OPCML: variants seen among roughly 807,000 people sequenced by gnomAD.
OPCML encodes the protein opioid binding protein/cell adhesion molecule like.
In OPCML, 13 loss-of-function variants were observed where a neutral mutation model predicts 37.8. That is an observed-to-expected ratio of 0.34 (90% CI 0.22 to 0.55). The LOEUF (loss-of-function observed/expected upper bound fraction) is 0.55. Among genes scored for constraint, OPCML ranks in the 20% least tolerant of loss-of-function variants. The probability of loss-of-function intolerance (pLI) is 0.91; values close to 1 mark genes in which losing one functional copy is unlikely to be tolerated. For missense variants in OPCML, 341 were observed against 435.6 expected, an observed-to-expected ratio of 0.78 and a Z score of 1.93; for synonymous variants, 176 against 168.8, an observed-to-expected ratio of 1.04 and a Z score of -0.33.
Position 132,604,056 on chromosome 11 carries a change from TG to T in OPCML, c.379+53030del, listed in dbSNP as rs150970913. On this transcript the variant is annotated intron_variant, in intron 3 of 7. Coordinates refer to ENST00000524381, the MANE Select transcript of OPCML (RefSeq NM_001012393.5). ...CCCTCGCCATTTCATGCTCTGTGCCTGGAATACTTGTTGGTGCTCCACATTT... is the reference window on the plus strand; with the variant it reads ...CCCTCGCCATTTCATGCTCTGTGCCTGAATACTTGTTGGTGCTCCACATTT... Among the ~76,000 whole-genome samples, 20 of 152,306 alleles carry T rather than the reference TG, an allele frequency of 1.3e-4. No homozygotes were observed. In the East Asian group the frequency reaches 3.9e-3, roughly 29 times the overall value.
intron 1 of OPCML, chr11:133,003,846 A>T: frequency 1.0e-6 from 1 of 985,238 alleles, no homozygotes; most frequent in Non-Finnish European, 1.2e-6. Flanking sequence ...AATAATGCAG[A>T]TCCTTGCCAT....
At chr11:133,110,694 C>T (rs1461120607) in intron 1 of OPCML, among the ~76,000 whole-genome samples, 1 of 152,156 alleles carries the variant, frequency 6.6e-6, no homozygotes. Context: ...TAGCCTCAAA[C>T]GCAGTAGCTC....
chr11:132,604,837 G>A (rs1158323784), intron 3 of OPCML, among the ~76,000 whole-genome samples: 1 of 152,166 alleles, frequency 6.6e-6, no homozygotes, highest in Admixed American at 6.5e-5. Flanking sequence ...TTGATGTAGA[G>A]GGTATAGTGA....
At chr11:133,374,955 T>C (rs943880483) in intron 1 of OPCML, among the ~76,000 whole-genome samples, 9 of 152,184 alleles carry the variant, frequency 5.9e-5, no homozygotes, top group African/African-American at 2.2e-4. Flanking sequence ...TGGAAGGTGG[T>C]ATACTAATTA....
At chr11:133,403,277 C>T (rs140196841) in intron 1 of OPCML, among the ~76,000 whole-genome samples, 9 of 152,176 alleles carry the variant, frequency 5.9e-5, no homozygotes, top group South Asian at 2.1e-4. Context: ...TGGCACATAA[C>T]AAAGACTTCA....
At chr11:132,758,795 T>C (rs1161768422) in intron 2 of OPCML, among the ~76,000 whole-genome samples, 1 of 152,156 alleles carries the variant, frequency 6.6e-6, no homozygotes, top group Non-Finnish European at 1.5e-5. Flanking sequence ...CCTTTATTTC[T>C]TGCTCTTGCC....
At chr11:132,787,966 C>T (rs945369382) in intron 2 of OPCML, among the ~76,000 whole-genome samples, 5 of 152,268 alleles carry the variant, frequency 3.3e-5, no homozygotes, top group Admixed American at 6.5e-5. Flanking sequence ...CTGCAACCTC[C>T]GCCTCCTGGG....
chr11:132,658,140 G>T (rs559101458), intron 2 of OPCML, among the ~76,000 whole-genome samples: 10 of 152,320 alleles, frequency 6.6e-5, no homozygotes, highest in African/African-American at 2.2e-4. Flanking sequence ...GGACGTCTGC[G>T]CATGTGCCCA....
At chr11:132,874,360 T>C (rs1432506323) in intron 2 of OPCML, among the ~76,000 whole-genome samples, 1 of 151,860 alleles carries the variant, frequency 6.6e-6, no homozygotes, top group East Asian at 1.9e-4. Context: ...ATTGAAATGA[T>C]CCAAAGGAGT....
chr11:132,447,753 G>C (rs1409671360), intron 4 of OPCML, among the ~76,000 whole-genome samples: 1 of 152,226 alleles, frequency 6.6e-6, no homozygotes, highest in Non-Finnish European at 1.5e-5. Context: ...ATCTTACTCT[G>C]TGCCTGGGGC....
intron 1 of OPCML, among the ~76,000 whole-genome samples, chr11:133,286,470 C>CAAAAAAAAAAAAAAAAAAAAAAAAAAAAA (rs60645863): frequency 1.9e-5 from 1 of 51,308 alleles, no homozygotes; most frequent in Non-Finnish European, 3.8e-5. Flanking sequence ...CTGTGTCTCA[C>CAAAAAAAAAAAAAAAAAAAAAAAAAAAAA]AAAAAAAAAA....
intron 1 of OPCML, among the ~76,000 whole-genome samples, chr11:133,216,163 C>A (rs1213383979): frequency 2.6e-5 from 4 of 152,152 alleles, no homozygotes; most frequent in Non-Finnish European, 5.9e-5. Context: ...GATTGCCCTG[C>A]CTCTGCTGAA....
At chr11:132,534,770 G>T (rs1410993488) in intron 3 of OPCML, among the ~76,000 whole-genome samples, 3 of 152,110 alleles carry the variant, frequency 2.0e-5, no homozygotes, top group Non-Finnish European at 4.4e-5. Flanking sequence ...TCAGGTTGTT[G>T]CAAGAACTAA....
intron 1 of OPCML, among the ~76,000 whole-genome samples, chr11:133,257,416 T>C (rs1941347498): frequency 6.6e-6 from 1 of 152,210 alleles, no homozygotes; most frequent in Non-Finnish European, 1.5e-5. Flanking sequence ...TCATAGAACA[T>C]GCCTCCCTAA....
At chr11:132,687,446 G>C (rs1943216329) in intron 2 of OPCML, among the ~76,000 whole-genome samples, 1 of 120,036 alleles carries the variant, frequency 8.3e-6, no homozygotes. Context: ...TGTATAGCAA[G>C]AAGTGCTGTA....
intron 2 of OPCML, among the ~76,000 whole-genome samples, chr11:132,765,608 T>A (rs1453985840): frequency 6.6e-6 from 1 of 152,248 alleles, no homozygotes; most frequent in East Asian, 1.9e-4. Context: ...GAGTTGATTA[T>A]CTTTCTAAGC....
Position 133,007,776 on chromosome 11 carries a change from G to C in OPCML, c.62-64766C>G, listed in dbSNP as rs940226869. ...GAAAAGACGCAGGCATAGACATTTT[G>C]AATAGTTAGCACATGTATCATATCT... On this transcript the variant is annotated intron_variant, in intron 1 of 7. Transcript: ENST00000524381. 3.0e-6 allele frequency: 3 copies of C among 985,312 alleles called. No individual in the cohort carries two copies. In the Admixed American group the frequency reaches 1.8e-4, roughly 61 times the overall value. 61.0% of individuals were successfully genotyped at this position (985,312 alleles called of 1,614,324 possible).
intron 3 of OPCML, among the ~76,000 whole-genome samples, chr11:132,645,825 C>A (rs759276142): frequency 1.3e-5 from 2 of 152,326 alleles, no homozygotes; most frequent in African/African-American, 2.4e-5. Context: ...AAGTTCTCAA[C>A]AGTCACTTGT....
At chr11:133,346,806 G>C (rs1228051784) in intron 1 of OPCML, among the ~76,000 whole-genome samples, 2 of 152,124 alleles carry the variant, frequency 1.3e-5, no homozygotes, top group Non-Finnish European at 2.9e-5. Flanking sequence ...TTCTGGACTA[G>C]ATGTTAGCTA....
Sources: allele counts gnomAD v4.1 joint callset (sites outside exome capture counted in the v4.1 genomes callset), GRCh38; gene constraint gnomAD v4.1.1; transcripts MANE v1.5; gene names NCBI Gene and HGNC (gene_info 2026-07-23, HGNC 2026-07-21).